Variants in SLC4A4 observed in about 807,000 individuals in gnomAD.
SLC4A4 encodes the protein solute carrier family 4 member 4, also known as electrogenic sodium bicarbonate cotransporter 1.
Under a neutral mutation model 111.5 loss-of-function variants are expected in SLC4A4, and 27 were observed. The observed-to-expected ratio is 0.24, with a 90% CI of 0.18 to 0.33. The LOEUF is 0.33. Among genes scored for constraint, SLC4A4 ranks in the 10% least tolerant of loss-of-function variants. The pLI is 1.00. For synonymous variants in SLC4A4, 443 were observed against 463.4 expected, an observed-to-expected ratio of 0.96 and a Z score of 0.57; for missense variants, 909 against 1,315.5, an observed-to-expected ratio of 0.69 and a Z score of 4.78.
chr4:71,181,498 G>C (rs1745292431), intron 2 of SLC4A4, among the ~76,000 whole-genome samples: 1 of 152,128 alleles, frequency 6.6e-6, no homozygotes, highest in African/African-American at 2.4e-5. Context: ...TTATGCACAT[G>C]CAAATAAATA....
intron 1 of SLC4A4, among the ~76,000 whole-genome samples, chr4:71,230,774 A>T (rs528999292): frequency 5.9e-5 from 9 of 152,302 alleles, no homozygotes; most frequent in Admixed American, 5.2e-4. Flanking sequence ...AGAGTGGGCT[A>T]GCTCTGGGAT....
At chr4:71,220,368 A>T (rs965561852) in intron 1 of SLC4A4, among the ~76,000 whole-genome samples, 1 of 152,160 alleles carries the variant, frequency 6.6e-6, no homozygotes, top group Non-Finnish European at 1.5e-5. Context: ...TTTTATATGC[A>T]TTGGGAAACA....
At chr4:71,199,305 A>G (rs1420582366) in intron 1 of SLC4A4, among the ~76,000 whole-genome samples, 2 of 152,200 alleles carry the variant, frequency 1.3e-5, no homozygotes, top group African/African-American at 4.8e-5. Flanking sequence ...AAGCACTTAG[A>G]CTTCCTTATA....
chr4:71,531,432 A>C (rs181256433), intron 16 of SLC4A4, among the ~76,000 whole-genome samples: 1 of 152,212 alleles, frequency 6.6e-6, no homozygotes, highest in African/African-American at 2.4e-5. Context: ...TTTATTTGAC[A>C]AAACTAGTGC....
At chr4:71,483,377 A>G (rs1462153891) in intron 14 of SLC4A4, among the ~76,000 whole-genome samples, 6 of 151,884 alleles carry the variant, frequency 4.0e-5, no homozygotes, top group Non-Finnish European at 7.4e-5. Context: ...TTATGTGTCC[A>G]TGTGTTCTCA....
chr4:71,139,490 T>A (rs907338305), intron 2 of SLC4A4, among the ~76,000 whole-genome samples: 2 of 152,160 alleles, frequency 1.3e-5, no homozygotes, highest in Non-Finnish European at 2.9e-5. Context: ...GAAAGTAAGA[T>A]GCTCATGTTG....
At chr4:71,311,884 A>G (rs1330088020) in intron 3 of SLC4A4, among the ~76,000 whole-genome samples, 1 of 132,146 alleles carries the variant, frequency 7.6e-6, no homozygotes, top group African/African-American at 3.0e-5. Context: ...CAAATGTGCA[A>G]GGCTGTGAGA....
At chr4:71,091,078 G>A (rs1382584803) in intron 1 of SLC4A4, among the ~76,000 whole-genome samples, 1 of 152,094 alleles carries the variant, frequency 6.6e-6, no homozygotes, top group Non-Finnish European at 1.5e-5. Flanking sequence ...CTCCTGAGTA[G>A]CTGAGATTAC....
intron 1 of SLC4A4, among the ~76,000 whole-genome samples, chr4:71,092,084 A>G (rs1008932170): frequency 1.3e-5 from 2 of 152,212 alleles, no homozygotes; most frequent in African/African-American, 4.8e-5. Context: ...ACATAGAGTT[A>G]CTACTCATAG....
chr4:71,085,418 C>T (rs1161247247), intron 1 of SLC4A4, among the ~76,000 whole-genome samples: 5 of 152,000 alleles, frequency 3.3e-5, no homozygotes, highest in Non-Finnish European at 7.4e-5. Flanking sequence ...AATTAGATCC[C>T]ATTTGTCAAT....
chr4:71,453,798 A>AT, intron 12 of SLC4A4, 129 bp downstream of exon 12: 1 of 848,854 alleles, frequency 1.2e-6, no homozygotes, highest in Admixed American at 2.0e-5. Flanking sequence ...TGGATGCTGC[A>AT]TTTTACTTTG....
intron 2 of SLC4A4, among the ~76,000 whole-genome samples, chr4:71,174,301 G>A (rs1745023403): frequency 6.7e-6 from 1 of 149,870 alleles, no homozygotes; most frequent in Admixed American, 6.7e-5. Flanking sequence ...TTGCCTCTGA[G>A]CACAGAGGTA....
intron 6 of SLC4A4, among the ~76,000 whole-genome samples, chr4:71,370,009 T>C (rs140237212): frequency 6.6e-6 from 1 of 152,332 alleles, no homozygotes; most frequent in African/African-American, 2.4e-5. Context: ...GCAGGTGTTT[T>C]CTGAGCTAAA....
chr4:71,156,585 C>CGCGT (rs1560749445), intron 2 of SLC4A4, among the ~76,000 whole-genome samples: 3 of 113,924 alleles, frequency 2.6e-5, no homozygotes, highest in East Asian at 2.6e-4. Context: ...CGCGCGCGCG[C>CGCGT]GCGCACACAC....
At chr4:71,313,318 A>G (rs1407939071) in intron 3 of SLC4A4, among the ~76,000 whole-genome samples, 1 of 152,186 alleles carries the variant, frequency 6.6e-6, no homozygotes, top group African/African-American at 2.4e-5. Context: ...GCTCATGGAT[A>G]CAAGAATCAA....
chr4:71,567,279 A>C (rs1737571765), intron 25 of SLC4A4, among the ~76,000 whole-genome samples, 196 bp downstream of exon 25: 1 of 151,800 alleles, frequency 6.6e-6, no homozygotes, highest in South Asian at 2.1e-4. Flanking sequence ...TTACTATTAC[A>C]AATAATGGAA....
At chr4:71,460,124 A>G (rs2149089926) in intron 12 of SLC4A4, among the ~76,000 whole-genome samples, 1 of 151,980 alleles carries the variant, frequency 6.6e-6, no homozygotes, top group East Asian at 1.9e-4. Flanking sequence ...TTTTAACCTT[A>G]TTTATGATTT....
intron 1 of SLC4A4, among the ~76,000 whole-genome samples, chr4:71,089,318 T>A (rs372647493): frequency 1.3e-5 from 2 of 152,044 alleles, no homozygotes; most frequent in East Asian, 1.9e-4. Flanking sequence ...TTCAAGGTTT[T>A]TAACTTCTTT....
At chr4:71,532,930 T>C (rs1202326400) in intron 17 of SLC4A4, among the ~76,000 whole-genome samples, 1 of 152,134 alleles carries the variant, frequency 6.6e-6, no homozygotes, top group Non-Finnish European at 1.5e-5. Context: ...ATATAATAAT[T>C]ACTTAACTTA....
Sources: gnomAD v4.1 joint callset for allele counts (sites outside exome capture counted in the v4.1 genomes callset) on GRCh38, gnomAD v4.1.1 for gene constraint, MANE v1.5 for transcripts, NCBI Gene and HGNC (gene_info 2026-07-23, HGNC 2026-07-21) for gene names.